MOV10L1: variants seen among roughly 807,000 people sequenced by gnomAD.
MOV10L1 encodes the protein RNA helicase Mov10l1.
Under a neutral mutation model 143.8 loss-of-function variants are expected in MOV10L1, and 110 were observed. The ratio of observed to expected loss-of-function variants is 0.76; its 90% CI spans 0.66 to 0.90. MOV10L1 has a LOEUF of 0.90. Ranked by LOEUF, MOV10L1 falls within the 40% of genes least tolerant of loss-of-function variation. MOV10L1 has a pLI of 0.00. For missense variants in MOV10L1, 1,406 were observed against 1,526.8 expected (o/e 0.92, Z 1.32); for synonymous variants, 593 against 581.1 (o/e 1.02, Z -0.29).
rs1443899298 is a variant in MOV10L1, at chr22:50,099,315, C to G, written c.283-128C>G. ...TACCAGGAAGAAGGCCCTCACCAGACCCGGAATCTGCCAGGGCCTTGATCT... is the reference window on the plus strand; with the variant it reads ...TACCAGGAAGAAGGCCCTCACCAGAGCCGGAATCTGCCAGGGCCTTGATCT... On this transcript the variant is annotated intron_variant, in intron 2 of 26. Coordinates refer to ENST00000262794, the MANE Select transcript of MOV10L1 (RefSeq NM_018995.3). The G allele has an allele frequency of 3.6e-6, 4 of 1,109,542 alleles. No individual in the cohort carries two copies. In the African/African-American group the frequency reaches 6.3e-5, roughly 17 times the overall value. 68.7% of individuals were successfully genotyped at this position (1,109,542 alleles called of 1,614,324 possible).
intron 22 of MOV10L1, among the ~76,000 whole-genome samples, chr22:50,157,593 G>C (rs979294405): frequency 2.0e-5 from 3 of 151,950 alleles, no homozygotes; most frequent in African/African-American, 7.3e-5. Context: ...AACTGTCCTG[G>C]CACCCTTGTC....
At chr22:50,144,412 G>A (rs2063078501) in intron 18 of MOV10L1, among the ~76,000 whole-genome samples, 169 bp downstream of exon 18, 1 of 151,980 alleles carries the variant, frequency 6.6e-6, no homozygotes, top group Non-Finnish European at 1.5e-5. Flanking sequence ...GCTAAATGGT[G>A]GAGCTTGATT....
chr22:50,092,541 G>C (rs111232810), intron 2 of MOV10L1, among the ~76,000 whole-genome samples: 7 of 152,270 alleles, frequency 4.6e-5, no homozygotes, highest in African/African-American at 1.7e-4. Context: ...GGGAGGCTGA[G>C]GCGGGAGGAT....
chr22:50,090,674 G>A, intron 1 of MOV10L1: 1 of 879,200 alleles, frequency 1.1e-6, no homozygotes, highest in Admixed American at 2.2e-5. Context: ...CTCCTGAGGT[G>A]TTTGTGTGTG....
At chr22:50,128,571 G>A (rs577967927) in intron 13 of MOV10L1, 64 bp downstream of exon 13, 5 of 777,076 alleles carry the variant, frequency 6.4e-6, no homozygotes, top group East Asian at 5.6e-5. Flanking sequence ...TTGAGACTGG[G>A]TCTCATTCTG....
chr22:50,148,530 C>G (rs2063212521), intron 19 of MOV10L1, among the ~76,000 whole-genome samples: 1 of 152,226 alleles, frequency 6.6e-6, no homozygotes, highest in Admixed American at 6.5e-5. Context: ...CCTTACCTCC[C>G]TTGTCACACG....
chr22:50,114,626 G>C lies in MOV10L1; in HGVS notation c.1126+4G>C. ...AACAACAGAGGAATCTCTCCAGGTA[G>C]TGGACGTTTCGGCTGTCACTGCGTG... On this transcript the variant is annotated splice_donor_region_variant and intron_variant, in intron 7 of 26. Transcript: ENST00000262794. 4 of 1,613,148 alleles carry C rather than the reference G, an allele frequency of 2.5e-6. 1 individual carries two copies. The South Asian group carries it at 4.4e-5, about 18-fold the overall frequency.
At chr22:50,131,080 T>G (rs1292790551) in intron 13 of MOV10L1, among the ~76,000 whole-genome samples, 1 of 148,814 alleles carries the variant, frequency 6.7e-6, no homozygotes, top group African/African-American at 2.5e-5. Flanking sequence ...TTTTTTTTTT[T>G]TTGTATTTTT....
chr22:50,127,929 C>T (rs140602439), intron 12 of MOV10L1, among the ~76,000 whole-genome samples: 18 of 152,204 alleles, frequency 1.2e-4, no homozygotes, highest in African/African-American at 4.1e-4. Flanking sequence ...CCCAGCACCA[C>T]GCCTGGGTCC....
chr22:50,141,473 T>G (rs940862503), intron 15 of MOV10L1, among the ~76,000 whole-genome samples: 12 of 149,816 alleles, frequency 8.0e-5, no homozygotes, highest in African/African-American at 3.0e-4. Context: ...GGACCACAGG[T>G]GAGCACCACC....
In MOV10L1 at chr22:50,158,105, G is replaced by A. The variant is rs143387727; in HGVS notation, c.3115G>A (p.Glu1039Lys). The A allele has an allele frequency of 1.4e-5, 22 of 1,614,178 alleles. No homozygotes were observed. Among genetic ancestry groups the A allele is most frequent in the Non-Finnish European group, 1.9e-5 (22 of 1,180,026 alleles). Residue 1039 changes from glutamate (E) to lysine (K), a missense_variant, in exon 23 of 27, where the codon GAG (glutamate) becomes AAG (lysine). This residue lies in a region of MOV10L1 where 1,233 missense variants were observed against 1,351.4 expected (regional missense o/e 0.91). Transcript: ENST00000262794. The surrounding 1 kb of genome is among the most constrained non-coding windows in gnomAD (Gnocchi z 5.0). ...AAGCCCATCGTGGTTCAACCCGGCC[G>A]AGGCCGTCCAGGTCCTGCGCTACTG... ...GKSPSWFNPA[E>K]AVQVLRYCCL...
At chr22:50,126,335 A>G in intron 12 of MOV10L1, 63 bp downstream of exon 12, 2 of 1,283,168 alleles carry the variant, frequency 1.6e-6, no homozygotes, top group Non-Finnish European at 1.1e-6. Flanking sequence ...TTGGAAAGGT[A>G]ACGTTCTCCC....
chr22:50,130,704 A>G (rs1049493997), intron 13 of MOV10L1, among the ~76,000 whole-genome samples: 2 of 152,194 alleles, frequency 1.3e-5, no homozygotes, highest in African/African-American at 4.8e-5. Context: ...GGCTGGGACC[A>G]CAGGGAGCAG....
intron 10 of MOV10L1, among the ~76,000 whole-genome samples, chr22:50,124,331 T>C (rs1238700998): frequency 6.6e-6 from 1 of 152,222 alleles, no homozygotes; most frequent in Admixed American, 6.5e-5. Context: ...TTAGTTTTTC[T>C]TATGGGGTTC....
chr22:50,147,644 C>T (rs1338709786), intron 19 of MOV10L1, among the ~76,000 whole-genome samples: 4 of 152,202 alleles, frequency 2.6e-5, no homozygotes, highest in Non-Finnish European at 5.9e-5. Flanking sequence ...CGTTAGTTGG[C>T]CACTGGGGGC....
chr22:50,131,713 T>C (rs937021445), intron 13 of MOV10L1, among the ~76,000 whole-genome samples: 4 of 141,276 alleles, frequency 2.8e-5, no homozygotes, highest in Non-Finnish European at 4.7e-5. Context: ...ATTACTATTG[T>C]ACCTTTGTGA....
chr22:50,120,434 A>T, intron 9 of MOV10L1, 68 bp from the exon 10 acceptor site: 1 of 969,584 alleles, frequency 1.0e-6, no homozygotes, highest in Non-Finnish European at 1.6e-6. Context: ...AAGGATGTTT[A>T]GGTAAGAATG....
chr22:50,110,659 A>C (rs1252658019), intron 5 of MOV10L1, among the ~76,000 whole-genome samples: 1 of 151,846 alleles, frequency 6.6e-6, no homozygotes, highest in African/African-American at 2.4e-5. Context: ...GGCTGGCCAC[A>C]GTGGCTCACG....
chr22:50,127,077 G>C (rs994144312), intron 12 of MOV10L1, among the ~76,000 whole-genome samples: 22 of 152,300 alleles, frequency 1.4e-4, no homozygotes, highest in African/African-American at 4.8e-4. Context: ...TGAGACACGA[G>C]TGACATGACC....
Sources: allele counts gnomAD v4.1 joint callset (sites outside exome capture counted in the v4.1 genomes callset), GRCh38; gene constraint gnomAD v4.1.1; regional missense constraint gnomAD v4.1.1; non-coding constraint Gnocchi (gnomAD v3.1); transcripts MANE v1.5; gene names NCBI Gene and HGNC (gene_info 2026-07-23, HGNC 2026-07-21).